PKHD1: variants seen among roughly 807,000 people sequenced by gnomAD.
PKHD1 encodes fibrocystin.
In PKHD1, 291 loss-of-function variants were observed where a neutral mutation model predicts 412.0. The ratio of observed to expected loss-of-function variants is 0.71; its 90% confidence interval spans 0.64 to 0.78. The LOEUF is 0.78. Ranked by LOEUF, PKHD1 falls within the 30% of genes least tolerant of loss-of-function variation. The probability of loss-of-function intolerance (pLI) is 0.00; values close to 1 mark genes in which losing one functional copy is unlikely to be tolerated. For missense variants in PKHD1, 4,825 were observed against 4,950.7 expected (o/e 0.97, Z 0.76); for synonymous variants, 1,777 against 1,821.5 (o/e 0.98, Z 0.62).
rs536105028 is a variant in PKHD1 at position 51,813,308 on chromosome 6, T to C, written c.8302+17553A>G. ...TTTATAAAGCTTTAGTGAGATAAAA[T>C]AAATATTTAATACTGTGCCTGGAAC... On this transcript the variant is annotated intron_variant, in intron 52 of 66. Transcript: ENST00000371117. 3.3e-5 allele frequency among the ~76,000 whole-genome samples: 5 copies of C among 152,258 alleles called. No homozygotes were observed. In the East Asian group the frequency reaches 7.7e-4, roughly 23 times the overall value.
chr6:51,747,938 C>T lies in PKHD1; in HGVS notation c.9678G>A (p.Leu3226=), dbSNP rs752654520. ...QDKVKPHSAN[L]TSTDRAPSNP... ...TGGAGGGAGCTCTATCTGTTGATGT[C>T]AAGTTGGCTGAGTGCGGCTTCACTT... The change falls in exon 58 of 67, where the codon TTG becomes TTA. Residue 3226 remains leucine (L), a synonymous_variant. Coordinates refer to ENST00000371117, the MANE Select transcript of PKHD1 (RefSeq NM_138694.4). The T allele has an allele frequency of 5.6e-6, 9 of 1,613,908 alleles. No individual in the cohort carries two copies. Among genetic ancestry groups the T allele is most frequent in the Non-Finnish European group, 7.6e-6 (9 of 1,179,988 alleles).
intron 52 of PKHD1, among the ~76,000 whole-genome samples, chr6:51,809,421 C>T (rs1377766662): frequency 2.0e-5 from 3 of 152,070 alleles, no homozygotes; most frequent in Non-Finnish European, 4.4e-5. Flanking sequence ...TCCTCTCCTG[C>T]CTCTTCCTAT....
intron 46 of PKHD1, among the ~76,000 whole-genome samples, chr6:51,882,328 T>G (rs1777505665): frequency 6.6e-6 from 1 of 152,148 alleles, no homozygotes. Context: ...AAGTTGAGAG[T>G]TAAATCCAGG....
At chr6:52,077,862 A>C (rs1389504896) in intron 5 of PKHD1, among the ~76,000 whole-genome samples, 2 of 152,136 alleles carry the variant, frequency 1.3e-5, no homozygotes, top group Non-Finnish European at 2.9e-5. Context: ...CCAAACATTC[A>C]GTCCCCACCC....
At chr6:52,017,379 G>A (rs781391612) in intron 34 of PKHD1, 31 bp downstream of exon 34, 1 of 1,455,332 alleles carries the variant, frequency 6.9e-7, no homozygotes, top group Admixed American at 1.7e-5. Context: ...GCATTTGTGG[G>A]GAAGTTCAGG....
intron 52 of PKHD1, among the ~76,000 whole-genome samples, chr6:51,795,219 T>C (rs958575739): frequency 2.0e-5 from 3 of 152,184 alleles, no homozygotes; most frequent in African/African-American, 4.8e-5. Context: ...TGGTTTGAAG[T>C]TCTCCTTAAG....
At chr6:51,832,679 C>T (rs1300178825) in intron 51 of PKHD1, among the ~76,000 whole-genome samples, 1 of 151,840 alleles carries the variant, frequency 6.6e-6, no homozygotes, top group Non-Finnish European at 1.5e-5. Flanking sequence ...GCATCATCGG[C>T]CTAGAAGCTG....
At chr6:52,076,067 C>A (rs866270959) in intron 6 of PKHD1, among the ~76,000 whole-genome samples, 1 of 152,042 alleles carries the variant, frequency 6.6e-6, no homozygotes, top group African/African-American at 2.4e-5. Context: ...GTTTGGATTC[C>A]TTTTGTTATC....
At chr6:51,776,495 T>C (rs7761832) in intron 53 of PKHD1, among the ~76,000 whole-genome samples, 27,994 of 151,896 alleles carry the variant, frequency 0.18, 3,390 homozygotes, top group African/African-American at 0.34. Context: ...TACACACCAT[T>C]ATTATGGCAA....
intron 35 of PKHD1, among the ~76,000 whole-genome samples, chr6:51,992,826 G>A (rs1562080728): frequency 6.6e-6 from 1 of 152,210 alleles, no homozygotes; most frequent in East Asian, 1.9e-4. Flanking sequence ...AGAGAAGCAA[G>A]CTTGTCTTCT....
chr6:52,085,011 T>C lies in PKHD1; in HGVS notation c.-78A>G. ...TCAGTTTTGATTGGAGCAGCATAGC[T>C]TTTGTGCTTTATAAAAACAAAAAAA... is the stretch of plus-strand genomic sequence containing the variant. On this transcript the variant is annotated 5_prime_UTR_variant, in exon 2 of 67. Coordinates refer to ENST00000371117, the MANE Select transcript of PKHD1 (RefSeq NM_138694.4). The C allele has an allele frequency of 1.0e-6, 1 of 964,012 alleles. No individual in the cohort carries two copies. The allele number at this position is 964,012 out of a possible 1,614,324, so 59.7% of individuals were successfully genotyped here. A position where few individuals can be genotyped will look rare whatever the true frequency, so the allele number is the denominator to read the frequency against.
chr6:51,981,578 C>CG (rs1795306142), intron 35 of PKHD1, among the ~76,000 whole-genome samples: 1 of 129,510 alleles, frequency 7.7e-6, no homozygotes, highest in South Asian at 2.6e-4. Flanking sequence ...CTCGGCCTCC[C>CG]GGGGTGCCGG....
At chr6:51,851,126 A>T (rs1772150857) in intron 49 of PKHD1, among the ~76,000 whole-genome samples, 1 of 152,158 alleles carries the variant, frequency 6.6e-6, no homozygotes, top group Non-Finnish European at 1.5e-5. Flanking sequence ...ATTTTATCAA[A>T]GGCCCTTTCT....
At chr6:51,851,837 A>AT (rs889907986) in intron 49 of PKHD1, among the ~76,000 whole-genome samples, 13 of 151,402 alleles carry the variant, frequency 8.6e-5, no homozygotes, top group African/African-American at 2.9e-4. Context: ...TATTTTGTTA[A>AT]TTTTTTCAAA....
intron 52 of PKHD1, among the ~76,000 whole-genome samples, chr6:51,811,787 A>G (rs1379826086): frequency 1.3e-5 from 2 of 152,208 alleles, no homozygotes; most frequent in Non-Finnish European, 2.9e-5. Flanking sequence ...TCATTATATA[A>G]ATAAATACAC....
At chr6:51,887,063 T>C (rs1413251568) in intron 44 of PKHD1, 70 bp downstream of exon 44, 2 of 985,064 alleles carry the variant, frequency 2.0e-6, no homozygotes, top group African/African-American at 3.2e-5. Flanking sequence ...GTGCTCTCAT[T>C]GTGAGCATTC....
In PKHD1 at chr6:51,748,191, G is replaced by A. The variant is rs774077009; in HGVS notation, c.9425C>T (p.Thr3142Ile). The change falls in exon 58 of 67, where the codon ACC becomes ATC. Residue 3142 changes from threonine (T) to isoleucine (I), a missense_variant. Transcript: ENST00000371117. ...LYKESGLDNCTRISGFLAFKN... is the reference protein window; with the variant it reads ...LYKESGLDNCIRISGFLAFKN... Reference sequence around the variant, plus strand: ...GAAAGCCAAGAAGCCAGAGATTCTGGTACAGTTGTCAAGTCCACTTTCCTT... The same window carrying A: ...GAAAGCCAAGAAGCCAGAGATTCTGATACAGTTGTCAAGTCCACTTTCCTT... The A allele has an allele frequency of 7.4e-6, 12 of 1,614,056 alleles. No homozygotes were observed. The highest frequency in any genetic ancestry group is 1.0e-5 in the Non-Finnish European group (12 of 1,179,970).
At chr6:52,016,650 A>G (rs79094605) in intron 34 of PKHD1, among the ~76,000 whole-genome samples, 8,424 of 150,746 alleles carry the variant, frequency 0.056, 298 homozygotes, top group East Asian at 0.11. Context: ...AAAAAAAAAA[A>G]AAAAGAAAAG....
intron 40 of PKHD1, among the ~76,000 whole-genome samples, chr6:51,907,662 T>TTA (rs1782325883): frequency 6.6e-6 from 1 of 152,156 alleles, no homozygotes; most frequent in African/African-American, 2.4e-5. Flanking sequence ...ATTAAATTTT[T>TTA]TAAAAAGTAC....
Sources: gnomAD v4.1 joint callset for allele counts (sites outside exome capture counted in the v4.1 genomes callset) on GRCh38, gnomAD v4.1.1 for gene constraint, MANE v1.5 for transcripts, NCBI Gene and HGNC (gene_info 2026-07-23, HGNC 2026-07-21) for gene names.